KLHDC2: variants seen among roughly 807,000 people sequenced by gnomAD.
KLHDC2 encodes the protein kelch domain containing 2, also known as kelch domain-containing protein 2.
Under a neutral mutation model 62.3 loss-of-function variants are expected in KLHDC2, and 38 were observed. That is an observed-to-expected ratio of 0.61 (90% CI 0.47 to 0.80). The LOEUF is 0.80. Ranked by LOEUF, KLHDC2 falls within the 30% of genes least tolerant of loss-of-function variation. The pLI is 0.00. For missense variants in KLHDC2, 430 were observed against 495.3 expected (o/e 0.87, Z 1.25); for synonymous variants, 159 against 161.0 (o/e 0.99, Z 0.09).
Position 49,768,457 on chromosome 14 carries a change from T to C in KLHDC2, c.-12T>C. On this transcript the variant is annotated 5_prime_UTR_variant, in exon 1 of 13. Transcript: ENST00000298307. Reference sequence around the variant, plus strand: ...TGTGGGCATTGTTGGTTAGCAAAAGTGCAGCCTCAAGATGGCTGATGGCAA... The same window carrying C: ...TGTGGGCATTGTTGGTTAGCAAAAGCGCAGCCTCAAGATGGCTGATGGCAA... 1.2e-6 allele frequency: 2 copies of C among 1,606,804 alleles called. No homozygotes were observed. The highest frequency in any genetic ancestry group is 1.4e-5 in the African/African-American group (1 of 73,898).
intron 2 of KLHDC2, among the ~76,000 whole-genome samples, chr14:49,772,072 TCTG>T (rs1889676613): frequency 1.3e-5 from 2 of 152,202 alleles, no homozygotes; most frequent in Non-Finnish European, 2.9e-5. Flanking sequence ...AAAACACTGT[TCTG>T]CTACTTTAGC....
rs1443247508 is a variant in KLHDC2, at chr14:49,768,549, C to G, written c.81C>G (p.Ala27=). ...AGAGCTATGAGTCCATGGAGCTTGC[C>G]TGCCCCGCTGAGCGCAGCGGCCACG... The part of the protein sequence containing the change: ...AFESYESMEL[A]CPAERSGHVA... Residue 27 remains alanine, a synonymous_variant, in exon 1 of 13, where the codon GCC becomes GCG. Transcript: ENST00000298307. 39 of 1,609,132 alleles carry G rather than the reference C, an allele frequency of 2.4e-5. No individual in the cohort carries two copies. The highest frequency in any genetic ancestry group is 3.3e-5 in the Non-Finnish European group (39 of 1,178,414).
chr14:49,779,295 A>T (rs1347394389), intron 6 of KLHDC2, among the ~76,000 whole-genome samples: 1 of 152,192 alleles, frequency 6.6e-6, no homozygotes, highest in Non-Finnish European at 1.5e-5. Context: ...GACACAGATA[A>T]TTATATTTCT....
intron 5 of KLHDC2, 62 bp from the exon 6 acceptor site, chr14:49,778,349 G>T: frequency 7.5e-7 from 1 of 1,333,148 alleles, no homozygotes; most frequent in East Asian, 2.3e-5. Context: ...TTGGTAATCA[G>T]GCAGGCTGTC....
chr14:49,782,881 G>A lies in KLHDC2; in HGVS notation c.1149G>A (p.Trp383Ter), dbSNP rs2139806989. 1 of 1,613,804 alleles carries A rather than the reference G, an allele frequency of 6.2e-7. No homozygotes were observed. The change falls in exon 13 of 13, where the codon TGG becomes TGA. Residue 383 changes from tryptophan to a stop codon, truncating the protein, a stop_gained. Transcript: ENST00000298307. LOFTEE classifies it high-confidence loss of function. ...ICFKEMLANSWNCLPKHLLHS... is the reference protein window; with the variant it reads ...ICFKEMLANS The stretch of plus-strand genomic sequence containing the variant: ...TTAAAGAAATGTTAGCCAACTCATG[G>A]AACTGCCTTCCAAAACACTTACTTC...
rs35959560 is a variant in KLHDC2 at position 49,784,230 on chromosome 14, G to GT, written c.*1280dup. 18 of 152,914 alleles carry GT rather than the reference G, an allele frequency of 1.2e-4. No homozygotes were observed. Among genetic ancestry groups the GT allele is most frequent in the Admixed American group, 9.9e-4 (15 of 15,160 alleles). The allele number at this position is 152,914 out of a possible 1,614,324, so 9.5% of individuals were successfully genotyped here. A position where few individuals can be genotyped will look rare whatever the true frequency, so the allele number is the denominator to read the frequency against. On this transcript the variant is annotated 3_prime_UTR_variant, in exon 13 of 13. Transcript: ENST00000298307. ...CTTTTGGTGAATATAGCAAGGCAAT[G>GT]TTTAGTTCATTTGGCCTGTAATATA...
chr14:49,777,272 A>G (rs1889792324), intron 3 of KLHDC2, among the ~76,000 whole-genome samples: 1 of 152,184 alleles, frequency 6.6e-6, no homozygotes, highest in African/African-American at 2.4e-5. Context: ...TGGGTGAGGG[A>G]TAAAAGACTA....
At position 49,783,012 on chromosome 14, in the gene KLHDC2, A is replaced by G. The variant is rs1396718031; in HGVS notation, c.*59A>G. 10 of 1,543,824 alleles carry G rather than the reference A, an allele frequency of 6.5e-6. No homozygotes were observed. The highest frequency in any genetic ancestry group is 1.4e-5 in the African/African-American group (1 of 72,732). On this transcript the variant is annotated 3_prime_UTR_variant, in exon 13 of 13. Transcript: ENST00000298307. Reference sequence around the variant, plus strand: ...TGGACAGCAATCCTGTAAACATCACAGAGTGGCATCATTTGTATAATTATA... The same window carrying G: ...TGGACAGCAATCCTGTAAACATCACGGAGTGGCATCATTTGTATAATTATA...
chr14:49,774,458 A>T, intron 2 of KLHDC2, 103 bp from the exon 3 acceptor site: 1 of 776,090 alleles, frequency 1.3e-6, no homozygotes. Context: ...CTGCCTTCTC[A>T]TTTTATTCCT....
intron 1 of KLHDC2, among the ~76,000 whole-genome samples, chr14:49,769,646 TAGAA>T (rs1380832442): frequency 6.6e-6 from 1 of 151,792 alleles, no homozygotes; most frequent in African/African-American, 2.4e-5. Context: ...GGTTAGAAAA[TAGAA>T]AGGGGGCCGG....
chr14:49,775,436 T>G (rs140031487), intron 3 of KLHDC2, among the ~76,000 whole-genome samples: 1 of 152,242 alleles, frequency 6.6e-6, no homozygotes, highest in East Asian at 1.9e-4. Context: ...GCTAGAGAGA[T>G]ACACAGCACC....
At chr14:49,769,116 C>A (rs971018682) in intron 1 of KLHDC2, 2 of 152,894 alleles carry the variant, frequency 1.3e-5, no homozygotes, top group Admixed American at 6.5e-5. Context: ...CTTATTCAGC[C>A]TTCCCGCCTG....
chr14:49,770,065 C>T (rs564137162), intron 1 of KLHDC2, among the ~76,000 whole-genome samples: 196 of 152,266 alleles, frequency 1.3e-3, no homozygotes, highest in African/African-American at 4.5e-3. Flanking sequence ...TTCTAAGCTA[C>T]CTAATTCATA....
intron 3 of KLHDC2, among the ~76,000 whole-genome samples, chr14:49,775,197 A>G (rs558553063): frequency 6.6e-6 from 1 of 152,368 alleles, no homozygotes; most frequent in East Asian, 1.9e-4. Context: ...GACCAATAAG[A>G]GACAGATTAA....
chr14:49,784,580 A>ACTT lies in KLHDC2; in HGVS notation c.*1629_*1631dup. On this transcript the variant is annotated 3_prime_UTR_variant, in exon 13 of 13. Transcript: ENST00000298307. ...TGATACATGGTGCTTTCATCTTTGAACTTCCAAAAGGCTATAAAATTGGCT... is the reference window on the plus strand; with the variant it reads ...TGATACATGGTGCTTTCATCTTTGAACTTCTTCCAAAAGGCTATAAAATTGGCT... 8.1e-7 allele frequency: 1 copy of ACTT among 1,228,116 alleles called. No individual in the cohort carries two copies. Among genetic ancestry groups the ACTT allele is most frequent in the South Asian group, 1.3e-5 (1 of 77,484 alleles). The allele number at this position is 1,228,116 out of a possible 1,614,324, so 76.1% of individuals were successfully genotyped here.
chr14:49,774,287 G>A (rs922294442), intron 2 of KLHDC2, among the ~76,000 whole-genome samples: 5 of 152,144 alleles, frequency 3.3e-5, no homozygotes, highest in Non-Finnish European at 5.9e-5. Context: ...ACATAAAATG[G>A]TATGCTCCTA....
At chr14:49,782,221 CTTTCCCTTAA>C in intron 10 of KLHDC2, 139 bp from the exon 11 acceptor site, 2 of 545,064 alleles carry the variant, frequency 3.7e-6, no homozygotes, top group Non-Finnish European at 6.6e-6. Flanking sequence ...GCTTTTGCTA[CTTTCCCTTAA>C]GATTTTACTT....
chr14:49,770,267 T>C (rs1379331004), intron 1 of KLHDC2, among the ~76,000 whole-genome samples: 1 of 152,146 alleles, frequency 6.6e-6, no homozygotes, highest in Non-Finnish European at 1.5e-5. Context: ...GGCTGGTGGC[T>C]GGAACCCTGA....
chr14:49,777,645 A>T (rs1057204602), intron 3 of KLHDC2, among the ~76,000 whole-genome samples, 194 bp from the exon 4 acceptor site: 1 of 152,124 alleles, frequency 6.6e-6, no homozygotes. Context: ...CAGCGTGCTT[A>T]GTGACTTAGG....
Sources: gnomAD v4.1 joint callset for allele counts (sites outside exome capture counted in the v4.1 genomes callset) on GRCh38, gnomAD v4.1.1 for gene constraint, MANE v1.5 for transcripts, NCBI Gene and HGNC (gene_info 2026-07-23, HGNC 2026-07-21) for gene names.